Variants in SPATA13 observed in about 807,000 individuals in gnomAD.
SPATA13 encodes spermatogenesis-associated protein 13.
In SPATA13, 50 loss-of-function variants were observed where a neutral mutation model predicts 104.0. The observed-to-expected ratio is 0.48, with a 90% confidence interval of 0.38 to 0.61. The LOEUF is 0.61. SPATA13 is among the 20% of genes least tolerant of loss of function. The pLI is 0.00. For missense variants in SPATA13, 1,524 were observed against 1,690.6 expected (o/e 0.90, Z 1.73); for synonymous variants, 606 against 667.5 (o/e 0.91, Z 1.42).
chr13:24,222,592 C>T (rs1871652276), intron 1 of SPATA13, among the ~76,000 whole-genome samples: 1 of 152,102 alleles, frequency 6.6e-6, no homozygotes, highest in Admixed American at 6.5e-5. Flanking sequence ...AGGAGTTTAC[C>T]TTCATGTCCG....
chr13:24,097,568 TA>T (rs2137798041), intron 3 of SPATA13, among the ~76,000 whole-genome samples: 1 of 151,850 alleles, frequency 6.6e-6, no homozygotes, highest in Non-Finnish European at 1.5e-5. Context: ...TGAAAACTGA[TA>T]AAGCAACTAG....
At position 24,122,386 on chromosome 13, in the gene SPATA13, G is replaced by A. The variant is rs1457526170; in HGVS notation, c.-111-100433G>A. 5.1e-6 allele frequency: 8 copies of A among 1,575,494 alleles called. No homozygotes were observed. In the East Asian group the frequency reaches 1.8e-4, roughly 35 times the overall value. ...AGGGTTATCTTCATCATCAATGATT[G>A]TGGAATAGCCTTCCAGAGCAGTCTC... is the stretch of plus-strand genomic sequence containing the variant. On this transcript the variant is annotated intron_variant, in intron 3 of 14. Transcript: ENST00000424834.
At chr13:24,273,974 G>A (rs1003767196) in intron 4 of SPATA13, among the ~76,000 whole-genome samples, 2 of 152,218 alleles carry the variant, frequency 1.3e-5, no homozygotes, top group Non-Finnish European at 2.9e-5. Flanking sequence ...ACAGGCATGA[G>A]CCACTGCGCC....
In SPATA13 at chr13:24,189,680, A is replaced by T. The variant is rs866824994; in HGVS notation, c.-112+28748A>T. ...TATTATATATTTATATATTATATAT[A>T]TTTATATATAATATATAATATATTA... On this transcript the variant is annotated intron_variant, in intron 1 of 12. Coordinates refer to ENST00000382108, the MANE Select transcript of SPATA13 (RefSeq NM_001166271.3). 6.0e-4 allele frequency among the ~76,000 whole-genome samples: 4 copies of T among 6,704 alleles called. 2 individuals carry two copies. Among genetic ancestry groups the T allele is most frequent in the Non-Finnish European group, 0.059 (2 of 34 alleles). The allele number at this position is 6,704 out of a possible 152,430, so 4.4% of individuals were successfully genotyped here.
chr13:24,028,289 T>G (rs1387074626), intron 3 of SPATA13, among the ~76,000 whole-genome samples: 5 of 152,234 alleles, frequency 3.3e-5, no homozygotes, highest in Non-Finnish European at 7.3e-5. Context: ...TCCAAAAGTC[T>G]TTTAGAGAGG....
chr13:24,012,952 A>T (rs1047586433), intron 2 of SPATA13, among the ~76,000 whole-genome samples: 2 of 152,040 alleles, frequency 1.3e-5, no homozygotes, highest in Admixed American at 1.3e-4. Flanking sequence ...ACTCTCCCTC[A>T]TCCAGCAGGC....
At chr13:24,032,337 C>A (rs1877515033) in intron 3 of SPATA13, among the ~76,000 whole-genome samples, 4 of 152,168 alleles carry the variant, frequency 2.6e-5, no homozygotes, top group Admixed American at 6.5e-5. Context: ...GTCCCTATAC[C>A]CATTGCAATG....
At chr13:24,079,626 C>T (rs1012884625) in intron 3 of SPATA13, among the ~76,000 whole-genome samples, 1 of 152,132 alleles carries the variant, frequency 6.6e-6, no homozygotes, top group Non-Finnish European at 1.5e-5. Flanking sequence ...GAGACTTTTC[C>T]TGCCAAGTAT....
intron 1 of SPATA13, among the ~76,000 whole-genome samples, chr13:24,196,605 G>A (rs773709501): frequency 1.2e-4 from 18 of 152,116 alleles, no homozygotes; most frequent in African/African-American, 3.9e-4. Context: ...GCATGGTGGC[G>A]TGGGCCTGTA....
chr13:24,100,657 A>G (rs1351989172), intron 3 of SPATA13, among the ~76,000 whole-genome samples: 1 of 152,160 alleles, frequency 6.6e-6, no homozygotes, highest in Non-Finnish European at 1.5e-5. Flanking sequence ...TCACAAAACT[A>G]ATTTGAGCAA....
At chr13:24,282,858 C>T (rs1875647002) in intron 4 of SPATA13, among the ~76,000 whole-genome samples, 1 of 152,214 alleles carries the variant, frequency 6.6e-6, no homozygotes. Context: ...GATTTAGGTC[C>T]CATGCCCACA....
chr13:24,048,373 C>A (rs1458667340), intron 3 of SPATA13, among the ~76,000 whole-genome samples: 1 of 151,258 alleles, frequency 6.6e-6, no homozygotes, highest in Admixed American at 6.6e-5. Context: ...AAAGCAAAAG[C>A]TAATAAAAAT....
At chr13:24,276,345 C>T (rs1874981914) in intron 4 of SPATA13, among the ~76,000 whole-genome samples, 1 of 152,198 alleles carries the variant, frequency 6.6e-6, no homozygotes, top group Non-Finnish European at 1.5e-5. Context: ...GAAGTTCTAA[C>T]ACTTGGTACA....
At chr13:24,127,863 C>T (rs1023502599) in intron 3 of SPATA13, among the ~76,000 whole-genome samples, 5 of 152,238 alleles carry the variant, frequency 3.3e-5, no homozygotes, top group Non-Finnish European at 7.3e-5. Context: ...GGTACAGCTT[C>T]ATTTATTTCT....
chr13:24,018,925 TTGTC>T (rs1876836188), intron 3 of SPATA13, among the ~76,000 whole-genome samples: 1 of 152,156 alleles, frequency 6.6e-6, no homozygotes, highest in Admixed American at 6.5e-5. Flanking sequence ...AAAACTTAAT[TTGTC>T]TGTTTTAGGA....
intron 3 of SPATA13, among the ~76,000 whole-genome samples, chr13:24,033,360 T>C (rs981891803): frequency 3.9e-5 from 6 of 152,222 alleles, no homozygotes; most frequent in African/African-American, 1.2e-4. Flanking sequence ...GAGGGGCTCA[T>C]TGCATTTCCC....
chr13:23,983,499 G>C (rs780498680), intron 1 of SPATA13, among the ~76,000 whole-genome samples: 1 of 152,182 alleles, frequency 6.6e-6, no homozygotes, highest in African/African-American at 2.4e-5. Flanking sequence ...TTTTTAAAAA[G>C]TGGACACTGA....
At chr13:24,299,117 A>T (rs914159971) in intron 11 of SPATA13, among the ~76,000 whole-genome samples, 2 of 152,246 alleles carry the variant, frequency 1.3e-5, no homozygotes, top group Non-Finnish European at 2.9e-5. Flanking sequence ...TGACAGAGCC[A>T]CAAAATCTTA....
At chr13:24,270,254 G>A (rs1396302920) in intron 4 of SPATA13, among the ~76,000 whole-genome samples, 1 of 152,124 alleles carries the variant, frequency 6.6e-6, no homozygotes, top group African/African-American at 2.4e-5. Context: ...TACCTGGAGA[G>A]AACTTACATG....
Sources: gnomAD v4.1 joint callset for allele counts (sites outside exome capture counted in the v4.1 genomes callset) on GRCh38, gnomAD v4.1.1 for gene constraint, MANE v1.5 for transcripts, NCBI Gene and HGNC (gene_info 2026-07-23, HGNC 2026-07-21) for gene names.